The following RGL1 variants were observed in gnomAD, a reference collection of about 807,000 sequenced individuals.
RGL1 encodes the protein ral guanine nucleotide dissociation stimulator like 1.
A neutral mutation model predicts 95.2 loss-of-function variants in RGL1; 24 were observed. The observed-to-expected ratio is 0.25, with a 90% CI of 0.18 to 0.35. The LOEUF is 0.35. RGL1 is among the 10% of genes least tolerant of loss of function. The pLI, the probability that RGL1 is intolerant of heterozygous loss-of-function variation, is 1.00. For synonymous variants in RGL1, 329 were observed against 344.9 expected, an observed-to-expected ratio of 0.95 and a Z score of 0.51; for missense variants, 715 against 936.3, an observed-to-expected ratio of 0.76 and a Z score of 3.08.
At chr1:183,727,592 C>T (rs1262994305) in intron 1 of RGL1, among the ~76,000 whole-genome samples, 3 of 152,142 alleles carry the variant, frequency 2.0e-5, no homozygotes, top group African/African-American at 7.2e-5. Flanking sequence ...ATTGAAGACT[C>T]TTGCCAGTGC....
intron 2 of RGL1, among the ~76,000 whole-genome samples, chr1:183,829,064 C>T (rs1663079814): frequency 6.6e-6 from 1 of 152,140 alleles, no homozygotes; most frequent in Non-Finnish European, 1.5e-5. Context: ...GGATTGAATG[C>T]ACCTTCTTCA....
intron 1 of RGL1, among the ~76,000 whole-genome samples, chr1:183,669,632 C>T (rs114982002): frequency 0.01 from 1,579 of 152,126 alleles, 32 homozygotes; most frequent in African/African-American, 0.036. Flanking sequence ...AGTAAATAGG[C>T]CTTTAGTAAT....
chr1:183,697,684 G>T lies in RGL1; in HGVS notation c.-32-44442G>T, dbSNP rs531063014. 4.4e-3 allele frequency among the ~76,000 whole-genome samples: 677 copies of T among 152,300 alleles called. 14 individuals are homozygous for T. The highest frequency in any genetic ancestry group is 0.039 in the Admixed American group (595 of 15,288). On this transcript the variant is annotated intron_variant, in intron 1 of 18. Transcript: ENST00000304685. ...AATATTTACTCAAAGGTTAAAAACT[G>T]TCATTGGTTTTGTATGCTGAGGCCA...
chr1:183,851,899 A>G (rs1045030237), intron 3 of RGL1, among the ~76,000 whole-genome samples: 18 of 152,350 alleles, frequency 1.2e-4, no homozygotes, highest in Middle Eastern at 3.4e-3. Context: ...GGAAGCAATT[A>G]TGTTGTATAA....
chr1:183,702,517 A>G (rs1230131651), intron 1 of RGL1, among the ~76,000 whole-genome samples: 21 of 152,176 alleles, frequency 1.4e-4, no homozygotes, highest in Admixed American at 1.4e-3. Flanking sequence ...ATTTCAAGAC[A>G]TAGGTCTTGA....
At chr1:183,645,195 T>C (rs548578943) in intron 1 of RGL1, among the ~76,000 whole-genome samples, 1 of 152,298 alleles carries the variant, frequency 6.6e-6, no homozygotes, top group Admixed American at 6.5e-5. Context: ...ATGACTTGAA[T>C]ATATGCTTGC....
In RGL1 at chr1:183,692,957, A is replaced by T. The variant is rs202014439; in HGVS notation, c.-32-49169A>T. ...AAATGCTAGCAGGGAGATAAAAAAA[A>T]TTTTTTTTTTTTTTTGAGATGGAGT... On this transcript the variant is annotated intron_variant, in intron 1 of 18. Transcript: ENST00000304685. 7.3e-3 allele frequency among the ~76,000 whole-genome samples: 1,062 copies of T among 145,414 alleles called. 20 individuals are homozygous for T. The highest frequency in any genetic ancestry group is 0.032 in the Admixed American group (468 of 14,566).
At chr1:183,661,103 C>G (rs1175879798) in intron 1 of RGL1, among the ~76,000 whole-genome samples, 3 of 152,012 alleles carry the variant, frequency 2.0e-5, no homozygotes, top group Admixed American at 2.0e-4. Context: ...CAAGAGAAAG[C>G]AGGAAAGATC....
chr1:183,775,543 G>A (rs1368636406), intron 2 of RGL1, among the ~76,000 whole-genome samples: 2 of 152,160 alleles, frequency 1.3e-5, no homozygotes. Flanking sequence ...GAGGATATAG[G>A]CAATGAAGAG....
intron 1 of RGL1, among the ~76,000 whole-genome samples, chr1:183,662,478 A>C (rs1212473549): frequency 6.6e-6 from 1 of 152,042 alleles, no homozygotes; most frequent in Non-Finnish European, 1.5e-5. Context: ...CAAAGAGAAT[A>C]AAATACCTAG....
chr1:183,800,945 T>C (rs375777710), upstream of RGL1, among the ~76,000 whole-genome samples: 2 of 152,344 alleles, frequency 1.3e-5, no homozygotes, highest in Admixed American at 6.5e-5. Flanking sequence ...GCAATGAACA[T>C]GGAAGTGCAA....
intron 5 of RGL1, among the ~76,000 whole-genome samples, chr1:183,883,563 G>C (rs190170599): frequency 2.1e-3 from 324 of 152,286 alleles, no homozygotes; most frequent in Non-Finnish European, 3.7e-3. Context: ...TGATTTGTCA[G>C]AGTGAGAGCA....
chr1:183,834,405 C>A (rs1043345485), intron 2 of RGL1, among the ~76,000 whole-genome samples: 3 of 152,088 alleles, frequency 2.0e-5, no homozygotes, highest in Admixed American at 1.3e-4. Context: ...TCCTGACTGC[C>A]ACCTTTATCA....
At chr1:183,807,432 G>T (rs116122857) in intron 2 of RGL1, among the ~76,000 whole-genome samples, 3 of 152,186 alleles carry the variant, frequency 2.0e-5, no homozygotes, top group Non-Finnish European at 4.4e-5. Context: ...CATCTTTAGC[G>T]GCTTGGAGTC....
At chr1:183,883,357 A>G (rs1388370016) in intron 5 of RGL1, among the ~76,000 whole-genome samples, 6 of 152,242 alleles carry the variant, frequency 3.9e-5, no homozygotes, top group African/African-American at 1.2e-4. Context: ...GCCCAAAGTC[A>G]TACCTGCCTT....
chr1:183,801,773 A>C (rs182912870), upstream of RGL1, among the ~76,000 whole-genome samples: 80 of 152,336 alleles, frequency 5.3e-4, no homozygotes, highest in African/African-American at 1.9e-3. Context: ...CAGAAGGGGA[A>C]GGTGAGGCAG....
intron 2 of RGL1, among the ~76,000 whole-genome samples, chr1:183,837,861 A>G (rs531974996): frequency 3.7e-4 from 56 of 152,234 alleles, no homozygotes; most frequent in African/African-American, 7.9e-4. Flanking sequence ...GAAGTGTACA[A>G]CCTAGGTCCC....
intron 1 of RGL1, among the ~76,000 whole-genome samples, chr1:183,637,596 G>C (rs977255497): frequency 2.6e-5 from 4 of 152,130 alleles, no homozygotes; most frequent in African/African-American, 9.7e-5. Context: ...TATATAAATA[G>C]AGAGTGGGAG....
intron 1 of RGL1, among the ~76,000 whole-genome samples, chr1:183,694,151 CAGAG>C (rs1261619694): frequency 1.3e-5 from 2 of 152,170 alleles, no homozygotes; most frequent in Non-Finnish European, 2.9e-5. Context: ...GAGGGACTAT[CAGAG>C]AGAATTTTAT....
Sources: gnomAD v4.1 joint callset for allele counts (sites outside exome capture counted in the v4.1 genomes callset) on GRCh38, gnomAD v4.1.1 for gene constraint, MANE v1.5 for transcripts, NCBI Gene and HGNC (gene_info 2026-07-23, HGNC 2026-07-21) for gene names.